CREB3L2: variants seen among roughly 807,000 people sequenced by gnomAD.
The protein encoded by CREB3L2 is cAMP responsive element binding protein 3 like 2.
A neutral mutation model predicts 57.2 loss-of-function variants in CREB3L2; 23 were observed. The ratio of observed to expected loss-of-function variants is 0.40; its 90% CI spans 0.29 to 0.57. The LOEUF (loss-of-function observed/expected upper bound fraction) is 0.57. Among genes scored for constraint, CREB3L2 ranks in the 20% least tolerant of loss-of-function variants. The pLI, the probability that CREB3L2 is intolerant of heterozygous loss-of-function variation, is 0.42. For synonymous variants in CREB3L2, 268 were observed against 265.1 expected (o/e 1.01, Z -0.11); for missense variants, 628 against 634.7 (o/e 0.99, Z 0.11).
At chr7:137,895,756 G>C (rs898998132) in intron 8 of CREB3L2, among the ~76,000 whole-genome samples, 2 of 152,038 alleles carry the variant, frequency 1.3e-5, no homozygotes, top group African/African-American at 4.8e-5. Context: ...GTGGAAAAAA[G>C]TAAAGAGGTA....
At chr7:137,968,724 G>T (rs971576730) in intron 1 of CREB3L2, among the ~76,000 whole-genome samples, 1 of 152,090 alleles carries the variant, frequency 6.6e-6, no homozygotes, top group Admixed American at 6.5e-5. Context: ...CCTCCAATGG[G>T]GGGTACAGCT....
intron 8 of CREB3L2, among the ~76,000 whole-genome samples, chr7:137,890,840 G>A (rs1799514971): frequency 6.6e-6 from 1 of 152,198 alleles, no homozygotes; most frequent in Non-Finnish European, 1.5e-5. Flanking sequence ...AGGGCTGGGT[G>A]GAGAAAAGAC....
In CREB3L2 at chr7:137,879,992, C is replaced by A; in HGVS notation, c.*484G>T. ...GGCAGAGTGGGCGGAGGGCTGCTGTCGGGGGTGTTCACACCAGAGACCCCA... is the reference window on the plus strand; with the variant it reads ...GGCAGAGTGGGCGGAGGGCTGCTGTAGGGGGTGTTCACACCAGAGACCCCA... On this transcript the variant is annotated 3_prime_UTR_variant, in exon 12 of 12. Coordinates refer to ENST00000330387, the MANE Select transcript of CREB3L2 (RefSeq NM_194071.4). 1 of 241,760 alleles carries A rather than the reference C, an allele frequency of 4.1e-6. No individual in the cohort carries two copies. The highest frequency in any genetic ancestry group is 8.1e-6 in the Non-Finnish European group (1 of 123,062). 15.0% of individuals were successfully genotyped at this position (241,760 alleles called of 1,614,324 possible).
intron 8 of CREB3L2, among the ~76,000 whole-genome samples, chr7:137,888,695 A>T (rs979677904): frequency 5.3e-5 from 8 of 152,078 alleles, no homozygotes; most frequent in Non-Finnish European, 1.0e-4. Context: ...TCTCTATGGT[A>T]GGAATGGGTC....
chr7:137,922,416 GTATA>G (rs1179011567), intron 2 of CREB3L2, among the ~76,000 whole-genome samples: 69 of 17,188 alleles, frequency 4.0e-3, no homozygotes, highest in East Asian at 0.01. Flanking sequence ...ATATATATAT[GTATA>G]TATATATATA....
At chr7:137,938,865 T>C (rs1585644280) in intron 1 of CREB3L2, among the ~76,000 whole-genome samples, 1 of 152,130 alleles carries the variant, frequency 6.6e-6, no homozygotes, top group Non-Finnish European at 1.5e-5. Flanking sequence ...AAAAATCCAC[T>C]GTTTCATTTT....
At chr7:137,986,127 G>A (rs1801788533) in intron 1 of CREB3L2, among the ~76,000 whole-genome samples, 1 of 152,198 alleles carries the variant, frequency 6.6e-6, no homozygotes, top group Non-Finnish European at 1.5e-5. Flanking sequence ...GTCTCAGAAA[G>A]GTGCTCACAG....
intron 1 of CREB3L2, among the ~76,000 whole-genome samples, chr7:137,943,266 T>G (rs2117260774): frequency 6.6e-6 from 1 of 152,250 alleles, no homozygotes; most frequent in East Asian, 1.9e-4. Context: ...TAAAACAGCC[T>G]GAAAATAAAT....
intron 1 of CREB3L2, chr7:137,955,303 C>T: frequency 3.1e-6 from 4 of 1,289,112 alleles, no homozygotes; most frequent in Non-Finnish European, 4.0e-6. Flanking sequence ...GCAGCAAAGC[C>T]CTGGTGGATT....
chr7:137,899,526 T>G (rs1209191339), intron 8 of CREB3L2, among the ~76,000 whole-genome samples: 1 of 148,548 alleles, frequency 6.7e-6, no homozygotes, highest in Non-Finnish European at 1.5e-5. Context: ...GGGAGCAGGA[T>G]CCAGAGAAAC....
chr7:137,907,701 AT>A (rs1799921052), intron 5 of CREB3L2, among the ~76,000 whole-genome samples: 1 of 152,158 alleles, frequency 6.6e-6, no homozygotes, highest in Admixed American at 6.5e-5. Context: ...ATTCTTCTTT[AT>A]TATGGTGTCC....
At chr7:137,928,126 G>C in intron 2 of CREB3L2, 24 bp downstream of exon 2, 1 of 1,536,262 alleles carries the variant, frequency 6.5e-7, no homozygotes, top group South Asian at 1.2e-5. Context: ...TAAGGTCCAG[G>C]TCTTCCTCCT....
In CREB3L2 at chr7:137,887,373, G is replaced by C. The variant is rs190212902; in HGVS notation, c.1044-1871C>G. Among the ~76,000 whole-genome samples the C allele has an allele frequency of 2.7e-5, 4 of 145,960 alleles. No individual in the cohort carries two copies. In the East Asian group the frequency reaches 7.7e-4, roughly 28 times the overall value. On this transcript the variant is annotated intron_variant, in intron 8 of 11. Transcript: ENST00000330387. ...ATGGATAGGAGTGGTGGGTGAATTGGAGCAGCCCTCAGCACACAGAGTAGA... is the reference window on the plus strand; with the variant it reads ...ATGGATAGGAGTGGTGGGTGAATTGCAGCAGCCCTCAGCACACAGAGTAGA...
At chr7:137,946,550 G>A (rs1200682137) in intron 1 of CREB3L2, among the ~76,000 whole-genome samples, 2 of 151,576 alleles carry the variant, frequency 1.3e-5, no homozygotes, top group Non-Finnish European at 2.9e-5. Context: ...AGCCACTGAG[G>A]ACAGGACCCA....
intron 8 of CREB3L2, 28 bp from the exon 9 acceptor site, chr7:137,885,530 G>C: frequency 6.4e-7 from 1 of 1,551,982 alleles, no homozygotes; most frequent in Non-Finnish European, 8.9e-7. Flanking sequence ...AGCCGTGAGG[G>C]GAGTCTGACA....
intron 7 of CREB3L2, among the ~76,000 whole-genome samples, chr7:137,903,723 T>G (rs1487628693): frequency 6.6e-6 from 1 of 152,226 alleles, no homozygotes; most frequent in Non-Finnish European, 1.5e-5. Context: ...CCGGGGTCCT[T>G]GGCTGGCAGT....
chr7:137,959,389 A>G (rs1801278296), intron 1 of CREB3L2, among the ~76,000 whole-genome samples: 1 of 152,042 alleles, frequency 6.6e-6, no homozygotes, highest in Non-Finnish European at 1.5e-5. Context: ...CCCTTTCTCT[A>G]TCACCCCAGC....
At chr7:137,971,932 TAA>T (rs35116639) in intron 1 of CREB3L2, among the ~76,000 whole-genome samples, 1 of 145,810 alleles carries the variant, frequency 6.9e-6, no homozygotes. Context: ...TTCACTTCCT[TAA>T]AAAAAAAAAA....
At chr7:137,918,609 G>A (rs79999925) in intron 2 of CREB3L2, among the ~76,000 whole-genome samples, 8,036 of 152,228 alleles carry the variant, frequency 0.053, 442 homozygotes, top group East Asian at 0.18. Flanking sequence ...GGACGGTAAG[G>A]AAGCATCCCT....
Sources: allele counts gnomAD v4.1 joint callset (sites outside exome capture counted in the v4.1 genomes callset), GRCh38; gene constraint gnomAD v4.1.1; transcripts MANE v1.5; gene names NCBI Gene and HGNC (gene_info 2026-07-23, HGNC 2026-07-21).